The following TRPC4AP variants were observed in gnomAD, a reference collection of about 807,000 sequenced individuals.
TRPC4AP encodes the protein transient receptor potential cation channel subfamily C member 4 associated protein, also known as short transient receptor potential channel 4-associated protein.
In TRPC4AP, 45 loss-of-function variants were observed where a neutral mutation model predicts 99.0. That is an observed-to-expected ratio of 0.45 (90% CI 0.36 to 0.58). TRPC4AP has a LOEUF of 0.58. TRPC4AP is among the 20% of genes least tolerant of loss of function. The probability of loss-of-function intolerance (pLI) is 0.00; values close to 1 mark genes in which losing one functional copy is unlikely to be tolerated. For synonymous variants in TRPC4AP, 408 were observed against 385.8 expected (o/e 1.06, Z -0.67); for missense variants, 879 against 985.3 (o/e 0.89, Z 1.44).
intron 2 of TRPC4AP, 45 bp from the exon 3 acceptor site, chr20:35,069,457 C>G: frequency 8.2e-7 from 1 of 1,222,656 alleles, no homozygotes; most frequent in Non-Finnish European, 1.2e-6. Flanking sequence ...TAGTAACCAA[C>G]ACAGACCAGA....
rs568430667 is a variant in TRPC4AP at position 35,023,290 on chromosome 20, T to C, written c.1052-1934A>G. Among the ~76,000 whole-genome samples, 6 of 152,228 alleles carry C rather than the reference T, an allele frequency of 3.9e-5. No individual in the cohort carries two copies. The East Asian group carries it at 1.2e-3, about 29-fold the overall frequency. Reference sequence around the variant, plus strand: ...TCCATCCTCCTTTGTAAAACAGCAATACTGACAACCATACCTACCCCTTAA... The same window carrying C: ...TCCATCCTCCTTTGTAAAACAGCAACACTGACAACCATACCTACCCCTTAA... On this transcript the variant is annotated intron_variant, in intron 8 of 18. Coordinates refer to ENST00000252015, the MANE Select transcript of TRPC4AP (RefSeq NM_015638.3).
chr20:35,091,989 T>C (rs1480622848), intron 1 of TRPC4AP, among the ~76,000 whole-genome samples: 2 of 152,110 alleles, frequency 1.3e-5, no homozygotes, highest in Non-Finnish European at 2.9e-5. Flanking sequence ...CGCTCTACAC[T>C]AGCAAACCAG....
chr20:35,006,441 A>G lies in TRPC4AP; in HGVS notation c.1821T>C (p.Asp607=), dbSNP rs2066231782. The stretch of plus-strand genomic sequence containing the variant: ...AGCCCTGGGTTAACTTTACCTTTGC[A>G]TCGGTGTTGATATATTTATTGAATC... The part of the protein sequence containing the change: ...FKRFNKYINT[D]AKFQVFLKQI... Residue 607 remains aspartate (D), a synonymous_variant, in exon 15 of 19, where the codon GAT becomes GAC. Transcript: ENST00000252015. 6.2e-7 allele frequency: 1 copy of G among 1,614,130 alleles called. No homozygotes were observed. Among genetic ancestry groups the G allele is most frequent in the Non-Finnish European group, 8.5e-7 (1 of 1,180,002 alleles).
intron 8 of TRPC4AP, among the ~76,000 whole-genome samples, chr20:35,029,241 T>C (rs944040434): frequency 6.6e-6 from 1 of 152,194 alleles, no homozygotes; most frequent in African/African-American, 2.4e-5. Flanking sequence ...AGAGTGAGAC[T>C]CTGTCCCTCC....
intron 6 of TRPC4AP, among the ~76,000 whole-genome samples, chr20:35,045,639 A>T (rs1160669793): frequency 6.6e-6 from 1 of 152,104 alleles, no homozygotes; most frequent in Non-Finnish European, 1.5e-5. Context: ...CCTGGGTTCA[A>T]GTGATTCTCC....
At chr20:35,033,397 G>A (rs1470255984) in intron 8 of TRPC4AP, among the ~76,000 whole-genome samples, 1 of 152,086 alleles carries the variant, frequency 6.6e-6, no homozygotes, top group African/African-American at 2.4e-5. Context: ...GTCTCCCTGG[G>A]ATGACATTGA....
At chr20:35,013,261 C>T (rs1484373002) in intron 10 of TRPC4AP, among the ~76,000 whole-genome samples, 195 bp from the exon 11 acceptor site, 3 of 152,122 alleles carry the variant, frequency 2.0e-5, no homozygotes, top group African/African-American at 7.2e-5. Flanking sequence ...TGGCCCCCTT[C>T]CTGCTAAAAA....
intron 12 of TRPC4AP, among the ~76,000 whole-genome samples, chr20:35,009,232 A>G (rs1042015921): frequency 6.6e-6 from 1 of 152,228 alleles, no homozygotes; most frequent in Non-Finnish European, 1.5e-5. Context: ...TCATGGGGGA[A>G]GGAAGACGGC....
intron 1 of TRPC4AP, among the ~76,000 whole-genome samples, chr20:35,086,429 A>ATG (rs1491214748): frequency 5.9e-5 from 7 of 117,896 alleles, no homozygotes; most frequent in South Asian, 3.3e-4. Flanking sequence ...AATGAATGGC[A>ATG]TATGTGTGTG....
At chr20:35,073,302 C>A (rs2084373452) in intron 2 of TRPC4AP, among the ~76,000 whole-genome samples, 1 of 152,176 alleles carries the variant, frequency 6.6e-6, no homozygotes, top group African/African-American at 2.4e-5. Context: ...GCCAAAACTT[C>A]CGACACTATG....
intron 1 of TRPC4AP, among the ~76,000 whole-genome samples, chr20:35,080,534 T>TAAAAAA (rs71196786): frequency 1.2e-5 from 1 of 82,060 alleles, no homozygotes; most frequent in Non-Finnish European, 2.3e-5. Context: ...AGACTCCATC[T>TAAAAAA]AAAAAAAAAA....
At chr20:35,090,562 C>T (rs1015321917) in intron 1 of TRPC4AP, among the ~76,000 whole-genome samples, 5 of 151,836 alleles carry the variant, frequency 3.3e-5, no homozygotes, top group Non-Finnish European at 7.4e-5. Flanking sequence ...TTAGTAGAGA[C>T]GGGGCTTCGC....
intron 2 of TRPC4AP, among the ~76,000 whole-genome samples, chr20:35,076,354 T>G (rs1056026676): frequency 4.6e-4 from 70 of 152,198 alleles, no homozygotes; most frequent in Non-Finnish European, 6.9e-4. Flanking sequence ...TTTTTAGAAT[T>G]TTCAGCTTTT....
At chr20:35,056,759 C>G (rs539685377) in intron 4 of TRPC4AP, among the ~76,000 whole-genome samples, 1 of 151,582 alleles carries the variant, frequency 6.6e-6, no homozygotes, top group African/African-American at 2.4e-5. Context: ...GTGGGCAGAT[C>G]ACTTGAGGTC....
chr20:35,023,530 T>A (rs1366934032), intron 8 of TRPC4AP, among the ~76,000 whole-genome samples: 1 of 152,142 alleles, frequency 6.6e-6, no homozygotes, highest in East Asian at 1.9e-4. Flanking sequence ...ACTGGAGAAA[T>A]TTTTAATTTA....
In TRPC4AP at chr20:35,057,540, A is replaced by G. The variant is rs1225908395; in HGVS notation, c.446T>C (p.Ile149Thr). 2 of 1,612,526 alleles carry G rather than the reference A, an allele frequency of 1.2e-6. No homozygotes were observed. Among genetic ancestry groups the G allele is most frequent in the African/African-American group, 1.3e-5 (1 of 74,828 alleles). The change falls in exon 4 of 19, where the codon ATC becomes ACC. Residue 149 changes from isoleucine (I) to threonine (T), a missense_variant. Physicochemically the swap from Ile to Thr is moderately conservative, Grantham distance 89. This residue lies in a region of TRPC4AP where 603 missense variants were observed against 631.8 expected (regional missense o/e 0.95). Transcript: ENST00000252015. ...LLVEILMRPT[I>T]SIRGQKLKIS... Reference sequence around the variant, plus strand: ...TTTCAGTTTCTGTCCCCGGATAGAGATCGTAGGCCTCATAAGAATTTCTAC... The same window carrying G: ...TTTCAGTTTCTGTCCCCGGATAGAGGTCGTAGGCCTCATAAGAATTTCTAC...
chr20:35,055,231 T>G (rs916163627), intron 4 of TRPC4AP, among the ~76,000 whole-genome samples, 200 bp from the exon 5 acceptor site: 1 of 152,188 alleles, frequency 6.6e-6, no homozygotes, highest in Non-Finnish European at 1.5e-5. Context: ...GCATATTGCT[T>G]TTGGTTTGAT....
rs781456452 is a variant in TRPC4AP at position 35,012,997 on chromosome 20, C to A, written c.1409+11G>T. The A allele has an allele frequency of 6.2e-7, 1 of 1,614,072 alleles. No individual in the cohort carries two copies. Among genetic ancestry groups the A allele is most frequent in the South Asian group, 1.1e-5 (1 of 91,078 alleles). On this transcript the variant is annotated intron_variant, in intron 11 of 18. Coordinates refer to ENST00000252015, the MANE Select transcript of TRPC4AP (RefSeq NM_015638.3). ...CAACAACTCTCCTTGCAGGGACACT[C>A]TTGTACTTACTCGTGGTGGTCACTG... is the stretch of plus-strand genomic sequence containing the variant.
At position 35,066,757 on chromosome 20, in the gene TRPC4AP, T is replaced by C. The variant is rs548837321; in HGVS notation, c.414+2539A>G. On this transcript the variant is annotated intron_variant, in intron 3 of 18. Coordinates refer to ENST00000252015, the MANE Select transcript of TRPC4AP (RefSeq NM_015638.3). ...CTGATCAATCTGACAATCTAAAAATTAAACATTTCTAATTTTAAAATAACA... is the reference window on the plus strand; with the variant it reads ...CTGATCAATCTGACAATCTAAAAATCAAACATTTCTAATTTTAAAATAACA... 1.6e-4 allele frequency among the ~76,000 whole-genome samples: 24 copies of C among 152,192 alleles called. No individual in the cohort carries two copies. The East Asian group carries it at 4.6e-3, about 29-fold the overall frequency.
Sources: allele counts gnomAD v4.1 joint callset (sites outside exome capture counted in the v4.1 genomes callset), GRCh38; gene constraint gnomAD v4.1.1; regional missense constraint gnomAD v4.1.1; transcripts MANE v1.5; gene names NCBI Gene and HGNC (gene_info 2026-07-23, HGNC 2026-07-21).